Variants in FER1L5 observed in about 807,000 individuals in gnomAD.
The protein encoded by FER1L5 is fer-1 like family member 5.
Under a neutral mutation model 279.9 loss-of-function variants are expected in FER1L5, and 187 were observed. The ratio of observed to expected loss-of-function variants is 0.67; its 90% CI spans 0.59 to 0.75. The LOEUF is 0.75. Among genes scored for constraint, FER1L5 ranks in the 30% least tolerant of loss-of-function variants. The pLI is 0.00. For missense variants in FER1L5, 2,091 were observed against 2,594.4 expected (o/e 0.81, Z 4.21); for synonymous variants, 921 against 989.7 (o/e 0.93, Z 1.30).
intron 1 of FER1L5, among the ~76,000 whole-genome samples, chr2:96,644,466 A>C (rs2075030421): frequency 6.6e-6 from 1 of 152,134 alleles, no homozygotes; most frequent in African/African-American, 2.4e-5. Context: ...TGGGCGAAAA[A>C]GCAAGAGTCT....
chr2:96,665,244 G>A (rs973123950), intron 14 of FER1L5, among the ~76,000 whole-genome samples: 1 of 152,202 alleles, frequency 6.6e-6, no homozygotes, highest in Non-Finnish European at 1.5e-5. Context: ...TGGCAACCCA[G>A]AGAATGTTTT....
intron 6 of FER1L5, among the ~76,000 whole-genome samples, chr2:96,651,534 C>T (rs1203655327): frequency 7.0e-6 from 1 of 143,146 alleles, no homozygotes; most frequent in Non-Finnish European, 1.5e-5. Flanking sequence ...TGGAGTCTTG[C>T]TCTGTTGCCC....
intron 20 of FER1L5, among the ~76,000 whole-genome samples, chr2:96,685,067 G>A (rs2106634177): frequency 6.6e-6 from 1 of 152,190 alleles, no homozygotes; most frequent in South Asian, 2.1e-4. Context: ...ATGCCTATGT[G>A]GAGGTCAGGG....
Position 96,702,446 on chromosome 2 carries a change from A to G in FER1L5, c.5255+45A>G, listed in dbSNP as rs988452697. 2.3e-5 allele frequency: 37 copies of G among 1,578,568 alleles called. No individual in the cohort carries two copies. The highest frequency in any genetic ancestry group is 3.7e-5 in the Admixed American group (2 of 53,566). The stretch of plus-strand genomic sequence containing the variant: ...CTCCGGCAGAGCCCCTCAGTTCCCC[A>G]GTTCTGTCATCCTGCTGGCACGGCC... On this transcript the variant is annotated intron_variant, in intron 47 of 52. Coordinates refer to ENST00000624922, the MANE Select transcript of FER1L5 (RefSeq NM_001293083.2). This position sits in a 1 kb window ranked among gnomAD's most constrained non-coding sequence, Gnocchi z 4.0.
chr2:96,670,319 G>A (rs1423928846), intron 18 of FER1L5, 72 bp downstream of exon 18: 1 of 1,532,248 alleles, frequency 6.5e-7, no homozygotes, highest in African/African-American at 1.4e-5. Flanking sequence ...GTGGATCCCA[G>A]TTTCTGACCG....
chr2:96,659,155 G>C (rs942219097), intron 9 of FER1L5, among the ~76,000 whole-genome samples: 1 of 151,744 alleles, frequency 6.6e-6, no homozygotes, highest in Non-Finnish European at 1.5e-5. Flanking sequence ...GGATGGTCTC[G>C]ATCTCCTGAC....
In FER1L5 at chr2:96,694,121, C is replaced by T; in HGVS notation, c.3636+49C>T. ...GGGAAGTGTGGCACTCAGTGCCCCT[C>T]CCCGTCCCACCCCCAGCCAGCGGGG... is the stretch of plus-strand genomic sequence containing the variant. On this transcript the variant is annotated intron_variant, in intron 33 of 52. Coordinates refer to ENST00000624922, the MANE Select transcript of FER1L5 (RefSeq NM_001293083.2). This position sits in a 1 kb window ranked among gnomAD's most constrained non-coding sequence, Gnocchi z 4.6. 1 of 1,496,746 alleles carries T rather than the reference C, an allele frequency of 6.7e-7. No individual in the cohort carries two copies. The allele number at this position is 1,496,746 out of a possible 1,614,324, so 92.7% of individuals were successfully genotyped here. A position where few individuals can be genotyped will look rare whatever the true frequency, so the allele number is the denominator to read the frequency against.
chr2:96,678,165 C>T (rs988271786), intron 19 of FER1L5, among the ~76,000 whole-genome samples: 2 of 152,016 alleles, frequency 1.3e-5, no homozygotes, highest in African/African-American at 2.4e-5. Context: ...CGCTCTGACA[C>T]CCAGGCTGGA....
chr2:96,702,516 G>C lies in FER1L5; in HGVS notation c.5256-84G>C. On this transcript the variant is annotated intron_variant, in intron 47 of 52. Transcript: ENST00000624922. The surrounding 1 kb of genome is among the most constrained non-coding windows in gnomAD (Gnocchi z 4.0). ...TCTCCATCCAGCTCTGCCTGGCGTC[G>C]GCTGGGCAGCCCTTCCCATGGGGCT... 1 of 1,548,814 alleles carries C rather than the reference G, an allele frequency of 6.5e-7. No homozygotes were observed. The highest frequency in any genetic ancestry group is 1.2e-5 in the South Asian group (1 of 83,692).
chr2:96,697,819 G>C, intron 39 of FER1L5, 58 bp downstream of exon 39: 2 of 1,577,626 alleles, frequency 1.3e-6, no homozygotes, highest in Non-Finnish European at 1.7e-6. Context: ...GAGGCCAGCA[G>C]AGCTAGCCTT....
intron 23 of FER1L5, 100 bp from the exon 24 acceptor site, chr2:96,687,716 G>A: frequency 6.7e-7 from 1 of 1,499,388 alleles, no homozygotes; most frequent in Admixed American, 2.1e-5. Context: ...CGCTCCCAGG[G>A]CTCAGGGGGG....
chr2:96,673,183 A>G lies in FER1L5; in HGVS notation c.1598A>G (p.Tyr533Cys), dbSNP rs1180628956. 2.6e-6 allele frequency: 4 copies of G among 1,551,482 alleles called. No homozygotes were observed. Among genetic ancestry groups the G allele is most frequent in the Admixed American group, 2.0e-5 (1 of 50,976 alleles). The change falls in exon 19 of 53, where the codon TAT becomes TGT. Residue 533 changes from tyrosine (Y) to cysteine (C), a missense_variant. Physicochemically the swap from Tyr to Cys is radical, Grantham distance 194. Coordinates refer to ENST00000624922, the MANE Select transcript of FER1L5 (RefSeq NM_001293083.2). ...CATTTCGAGGTCAGCATCGGTCACT[A>G]TGGGAACAAGATGGACCTGAATTAC... ...LIHFEVSIGHYGNKMDLNYKP... is the reference protein window; with the variant it reads ...LIHFEVSIGHCGNKMDLNYKP...
At chr2:96,652,141 C>T in intron 7 of FER1L5, 121 bp downstream of exon 7, 1 of 1,372,080 alleles carries the variant, frequency 7.3e-7, no homozygotes, top group Non-Finnish European at 1.0e-6. Flanking sequence ...CAAGCATTTA[C>T]TGAGTGTCTA....
At chr2:96,680,417 C>A (rs555654858) in intron 19 of FER1L5, among the ~76,000 whole-genome samples, 2 of 152,162 alleles carry the variant, frequency 1.3e-5, no homozygotes, top group East Asian at 3.9e-4. Flanking sequence ...CCGGAACTCA[C>A]TCTGTCCTCT....
chr2:96,673,279 G>A (rs1481261735), intron 19 of FER1L5, 25 bp downstream of exon 19: 1 of 1,539,286 alleles, frequency 6.5e-7, no homozygotes. Flanking sequence ...CAGGCAATAA[G>A]TAGAGAGCAG....
intron 6 of FER1L5, among the ~76,000 whole-genome samples, chr2:96,650,671 A>C (rs2075322091): frequency 6.6e-6 from 1 of 152,164 alleles, no homozygotes; most frequent in African/African-American, 2.4e-5. Context: ...GTCTGATCTG[A>C]GGGGACCTAT....
At position 96,687,939 on chromosome 2, in the gene FER1L5, G is replaced by A. The variant is rs912266983; in HGVS notation, c.2353G>A (p.Ala785Thr). ...CCGCCAGGGTGACACAGCGGTGTAC[G>A]CCGAGATGGTGAGTGGTGAGCGGCA... is the stretch of plus-strand genomic sequence containing the variant. ...LLRQGDTAVY[A>T]EMYENQAKYK... is the part of the protein sequence containing the mutation. The change falls in exon 24 of 53, where the codon GCC (alanine) becomes ACC (threonine). Residue 785 changes from alanine to threonine, a missense_variant. Physicochemically the swap from Ala to Thr is moderately conservative, Grantham distance 58. Transcript: ENST00000624922. 17 of 1,550,908 alleles carry A rather than the reference G, an allele frequency of 1.1e-5. No individual in the cohort carries two copies. The highest frequency in any genetic ancestry group is 1.7e-4 in the Middle Eastern group (1 of 6,012).
chr2:96,689,331 T>A lies in FER1L5; in HGVS notation c.2480T>A (p.Leu827Gln), dbSNP rs1475377157. Residue 827 changes from leucine (L) to glutamine (Q), a missense_variant, in exon 25 of 53, where the codon CTG becomes CAG. Coordinates refer to ENST00000624922, the MANE Select transcript of FER1L5 (RefSeq NM_001293083.2). The surrounding 1 kb of genome is among the most constrained non-coding windows in gnomAD (Gnocchi z 4.6). Reference protein sequence around the residue: ...TLPMTDFQPPLGWHWQDSWTV... With the variant: ...TLPMTDFQPPQGWHWQDSWTV... ...CCCATGACGGATTTCCAACCACCCC[T>A]GGGATGGCACTGGCAGGACAGCTGG... is the stretch of plus-strand genomic sequence containing the variant. 2.6e-6 allele frequency: 4 copies of A among 1,550,412 alleles called. No individual in the cohort carries two copies. The East Asian group carries it at 7.3e-5, about 28-fold the overall frequency.
intron 14 of FER1L5, 150 bp downstream of exon 14, chr2:96,663,657 G>A (rs2106538167): frequency 1.2e-6 from 1 of 836,914 alleles, no homozygotes; most frequent in Middle Eastern, 2.9e-4. Flanking sequence ...AGGAAGCCCA[G>A]GACATATTAT....
Sources: gnomAD v4.1 joint callset for allele counts (sites outside exome capture counted in the v4.1 genomes callset) on GRCh38, gnomAD v4.1.1 for gene constraint, Gnocchi (gnomAD v3.1) non-coding constraint, MANE v1.5 for transcripts, NCBI Gene and HGNC (gene_info 2026-07-23, HGNC 2026-07-21) for gene names.